CTTNBP2: variants seen among roughly 807,000 people sequenced by gnomAD.
CTTNBP2 encodes cortactin-binding protein 2.
A neutral mutation model predicts 156.9 loss-of-function variants in CTTNBP2; 108 were observed. That is an observed-to-expected ratio of 0.69 (90% CI 0.59 to 0.81). CTTNBP2 has a LOEUF of 0.81. Among genes scored for constraint, CTTNBP2 ranks in the 30% least tolerant of loss-of-function variants. CTTNBP2 has a pLI of 0.00. For missense variants in CTTNBP2, 1,924 were observed against 2,035.4 expected, an observed-to-expected ratio of 0.95 and a Z score of 1.05; for synonymous variants, 767 against 751.8, an observed-to-expected ratio of 1.02 and a Z score of -0.33.
In CTTNBP2 at chr7:117,754,015, TG is replaced by T. The variant is rs201249525; in HGVS notation, c.3348+2539del. Among the ~76,000 whole-genome samples the T allele has an allele frequency of 5.5e-3, 835 of 152,368 alleles. 7 individuals carry two copies. Among genetic ancestry groups the T allele is most frequent in the African/African-American group, 0.018 (767 of 41,590 alleles). ...ATGTGCCTGTAGTTATTTGTGGAACTGGGAAGCTATGCCATTCTCTGGCTCA... is the reference window on the plus strand; with the variant it reads ...ATGTGCCTGTAGTTATTTGTGGAACTGGAAGCTATGCCATTCTCTGGCTCA... On this transcript the variant is annotated intron_variant, in intron 12 of 22. Coordinates refer to ENST00000160373, the MANE Select transcript of CTTNBP2 (RefSeq NM_033427.3).
intron 2 of CTTNBP2, among the ~76,000 whole-genome samples, chr7:117,840,680 T>A (rs1316649821): frequency 6.6e-6 from 1 of 152,234 alleles, no homozygotes; most frequent in Admixed American, 6.5e-5. Flanking sequence ...TATTATCTCT[T>A]CAGGAAGAAG....
At position 117,711,442 on chromosome 7, in the gene CTTNBP2, A is replaced by C. The variant is rs1794047340; in HGVS notation, c.*95T>G. The C allele has an allele frequency of 2.2e-6, 3 of 1,364,784 alleles. No individual in the cohort carries two copies. Among genetic ancestry groups the C allele is most frequent in the Non-Finnish European group, 3.0e-6 (3 of 1,002,708 alleles). 84.5% of individuals were successfully genotyped at this position (1,364,784 alleles called of 1,614,324 possible). On this transcript the variant is annotated 3_prime_UTR_variant, in exon 23 of 23. Coordinates refer to ENST00000160373, the MANE Select transcript of CTTNBP2 (RefSeq NM_033427.3). Reference sequence around the variant, plus strand: ...CGCACTCATAATTTATATTACAGTGAAAACATTTTATCAATTTAAAGGTAT... The same window carrying C: ...CGCACTCATAATTTATATTACAGTGCAAACATTTTATCAATTTAAAGGTAT...
chr7:117,777,465 C>T, intron 8 of CTTNBP2, 46 bp downstream of exon 8: 1 of 1,580,664 alleles, frequency 6.3e-7, no homozygotes, highest in Non-Finnish European at 8.6e-7. Flanking sequence ...CTTTGCTGCT[C>T]ATCAAATTAC....
At chr7:117,770,864 T>G (rs1797761825) in intron 8 of CTTNBP2, among the ~76,000 whole-genome samples, 1 of 152,156 alleles carries the variant, frequency 6.6e-6, no homozygotes. Context: ...CCGGGGGCCC[T>G]AAACTGGGCA....
intron 2 of CTTNBP2, among the ~76,000 whole-genome samples, chr7:117,834,160 T>C (rs1005304840): frequency 6.6e-6 from 1 of 151,946 alleles, no homozygotes; most frequent in African/African-American, 2.4e-5. Context: ...ATTCAACCAA[T>C]TCTCCTGTCT....
At position 117,862,987 on chromosome 7, in the gene CTTNBP2, A is replaced by G. The variant is rs770557683; in HGVS notation, c.82-1671T>C. On this transcript the variant is annotated intron_variant, in intron 1 of 22. Transcript: ENST00000160373. ...CTCTTTGAGATGAGATAAAAATGGT[A>G]CCATCCTGTCAGTCAGCCAACATGA... 2.6e-5 allele frequency among the ~76,000 whole-genome samples: 4 copies of G among 152,242 alleles called. No individual in the cohort carries two copies. The South Asian group carries it at 8.3e-4, about 31-fold the overall frequency.
chr7:117,716,504 G>C lies in CTTNBP2; in HGVS notation c.4746+1514C>G, dbSNP rs550415928. Among the ~76,000 whole-genome samples the C allele has an allele frequency of 4.2e-3, 639 of 152,180 alleles. 3 individuals carry two copies. The highest frequency in any genetic ancestry group is 4.9e-3 in the Non-Finnish European group (336 of 68,018). On this transcript the variant is annotated intron_variant, in intron 22 of 22. Transcript: ENST00000160373. ...GGCGTCCAGTCAAGCACAGCTCAGAGCAAGCCAATAAATACAGGGGGAGTG... is the reference window on the plus strand; with the variant it reads ...GGCGTCCAGTCAAGCACAGCTCAGACCAAGCCAATAAATACAGGGGGAGTG...
At position 117,711,174 on chromosome 7, in the gene CTTNBP2, GA is replaced by G. The variant is rs1216749800; in HGVS notation, c.*362del. The G allele has an allele frequency of 6.3e-6, 1 of 158,402 alleles. No homozygotes were observed. Among genetic ancestry groups the G allele is most frequent in the African/African-American group, 2.4e-5 (1 of 41,508 alleles). 9.8% of individuals were successfully genotyped at this position (158,402 alleles called of 1,614,324 possible). Reference sequence around the variant, plus strand: ...CTTTTTTGTAGCATGTATGCAGTATGATTTCTGGACTTCCTTAAATATACAT... The same window carrying G: ...CTTTTTTGTAGCATGTATGCAGTATGTTTCTGGACTTCCTTAAATATACAT... On this transcript the variant is annotated 3_prime_UTR_variant, in exon 23 of 23. Transcript: ENST00000160373.
At chr7:117,822,332 T>C (rs1801014924) in intron 2 of CTTNBP2, among the ~76,000 whole-genome samples, 1 of 152,184 alleles carries the variant, frequency 6.6e-6, no homozygotes, top group Non-Finnish European at 1.5e-5. Context: ...ATGAATCAAC[T>C]CTTTATTATT....
chr7:117,820,901 TCA>T, intron 2 of CTTNBP2, among the ~76,000 whole-genome samples: 1 of 152,226 alleles, frequency 6.6e-6, no homozygotes, highest in African/African-American at 2.4e-5. Context: ...GTTTGGTAAG[TCA>T]TTTTATATTC....
Position 117,824,292 on chromosome 7 carries a change from C to T in CTTNBP2, c.190-13303G>A, listed in dbSNP as rs188868636. ...ATTCTGGGCATATAGCCCTTTTAAT[C>T]TAAAAATTATGTGAAATCTTGGTGG... On this transcript the variant is annotated intron_variant, in intron 2 of 22. Coordinates refer to ENST00000160373, the MANE Select transcript of CTTNBP2 (RefSeq NM_033427.3). 5.0e-3 allele frequency among the ~76,000 whole-genome samples: 760 copies of T among 151,884 alleles called. 5 individuals are homozygous for T. Among genetic ancestry groups the T allele is most frequent in the South Asian group, 9.4e-3 (45 of 4,802 alleles).
chr7:117,769,410 T>C (rs1490815044), intron 8 of CTTNBP2, among the ~76,000 whole-genome samples: 5 of 152,196 alleles, frequency 3.3e-5, no homozygotes, highest in African/African-American at 1.2e-4. Context: ...AAAATCTGCC[T>C]GCTTGCAAAG....
chr7:117,840,923 C>T (rs1385429920), intron 2 of CTTNBP2, among the ~76,000 whole-genome samples: 2 of 152,008 alleles, frequency 1.3e-5, no homozygotes, highest in Non-Finnish European at 1.5e-5. Context: ...GTCTCAGGAC[C>T]CCTTAATGCT....
chr7:117,750,844 T>C (rs1174629209), intron 12 of CTTNBP2, among the ~76,000 whole-genome samples: 2 of 152,224 alleles, frequency 1.3e-5, no homozygotes, highest in African/African-American at 4.8e-5. Context: ...GAAAGTGGGA[T>C]ATAAATATTC....
In CTTNBP2 at chr7:117,861,096, T is replaced by C. The variant is rs556992448; in HGVS notation, c.189+113A>G. 3.2e-5 allele frequency: 21 copies of C among 666,458 alleles called. No individual in the cohort carries two copies. In the African/African-American group the frequency reaches 3.5e-4, roughly 11 times the overall value. 41.3% of individuals were successfully genotyped at this position (666,458 alleles called of 1,614,324 possible). A position where few individuals can be genotyped will look rare whatever the true frequency, so the allele number is the denominator to read the frequency against. On this transcript the variant is annotated intron_variant, in intron 2 of 22. Transcript: ENST00000160373. ...GGGTGAAGAGCACATTTTGACCTGA[T>C]GTAACATTTTAAATCTATTTGATTC...
At chr7:117,831,822 A>G (rs1351017291) in intron 2 of CTTNBP2, among the ~76,000 whole-genome samples, 1 of 151,930 alleles carries the variant, frequency 6.6e-6, no homozygotes, top group Non-Finnish European at 1.5e-5. Context: ...TTTCTTTTTC[A>G]AGTATGTTCA....
At chr7:117,842,816 A>T (rs6466626) in intron 2 of CTTNBP2, among the ~76,000 whole-genome samples, 6 of 152,150 alleles carry the variant, frequency 3.9e-5, no homozygotes, top group African/African-American at 9.6e-5. Context: ...ATATTTAACA[A>T]GGAAAATTTG....
intron 2 of CTTNBP2, among the ~76,000 whole-genome samples, chr7:117,822,628 T>C (rs1438015048): frequency 6.6e-6 from 1 of 152,210 alleles, no homozygotes; most frequent in Non-Finnish European, 1.5e-5. Context: ...CTTGGACACA[T>C]GATATATATA....
chr7:117,811,133 G>A (rs1298878069), intron 2 of CTTNBP2, 144 bp from the exon 3 acceptor site: 2 of 642,408 alleles, frequency 3.1e-6, no homozygotes, highest in South Asian at 2.0e-5. Context: ...GTGAGTGAGA[G>A]GCAAATGTGA....
Sources: allele counts gnomAD v4.1 joint callset (sites outside exome capture counted in the v4.1 genomes callset), GRCh38; gene constraint gnomAD v4.1.1; transcripts MANE v1.5; gene names NCBI Gene and HGNC (gene_info 2026-07-23, HGNC 2026-07-21).